The following PPFIA1 variants were observed in gnomAD, a reference collection of about 807,000 sequenced individuals.
PPFIA1 encodes the protein PPFI scaffold protein A1.
In PPFIA1, 25 loss-of-function variants were observed where a neutral mutation model predicts 149.9. That is an observed-to-expected ratio of 0.17 (90% CI 0.12 to 0.23). The LOEUF is 0.23. Ranked by LOEUF, PPFIA1 falls within the 10% of genes least tolerant of loss-of-function variation. The pLI is 1.00. For missense variants in PPFIA1, 1,362 were observed against 1,506.5 expected, an observed-to-expected ratio of 0.90 and a Z score of 1.59; for synonymous variants, 549 against 552.8, an observed-to-expected ratio of 0.99 and a Z score of 0.10.
At position 70,368,227 on chromosome 11, in the gene PPFIA1, C is replaced by T. The variant is rs186883547; in HGVS notation, c.2866-3988C>T. ...ATGCTGTTAGATAGCTGATAATTAC[C>T]CAAAAATGTTTGGCATATTTCTCTC... is the stretch of plus-strand genomic sequence containing the variant. On this transcript the variant is annotated intron_variant, in intron 21 of 27. Coordinates refer to ENST00000253925, the MANE Select transcript of PPFIA1 (RefSeq NM_003626.5). 6.7e-4 allele frequency among the ~76,000 whole-genome samples: 102 copies of T among 152,238 alleles called. 2 individuals carry two copies. In the South Asian group the frequency reaches 0.017, roughly 25 times the overall value.
In PPFIA1 at chr11:70,362,235, A is replaced by G. The variant is rs901572981; in HGVS notation, c.2665-53A>G. 8.1e-6 allele frequency: 13 copies of G among 1,612,896 alleles called. No individual in the cohort carries two copies. In the Admixed American group the frequency reaches 1.2e-4, roughly 14 times the overall value. ...TTACAGTATGTGAACTTACTGTTCT[A>G]CTTTGTAGACTGTACCTCACTGTGC... On this transcript the variant is annotated intron_variant, in intron 20 of 27. Transcript: ENST00000253925.
At chr11:70,345,914 T>A (rs896319215) in intron 15 of PPFIA1, 2 of 408,798 alleles carry the variant, frequency 4.9e-6, no homozygotes, top group African/African-American at 4.1e-5. Context: ...AGTGGCCTGG[T>A]ACAGAACACT....
chr11:70,334,507 T>C (rs941157407), intron 10 of PPFIA1: 1 of 152,226 alleles, frequency 6.6e-6, no homozygotes, highest in South Asian at 2.1e-4. Context: ...CAGTGAACTT[T>C]AAGCTGTGTT....
intron 21 of PPFIA1, among the ~76,000 whole-genome samples, chr11:70,368,704 T>C (rs1159992406): frequency 6.6e-6 from 1 of 152,264 alleles, no homozygotes; most frequent in East Asian, 1.9e-4. Flanking sequence ...TTTTTATAAA[T>C]TGGCCTTGCA....
intron 4 of PPFIA1, chr11:70,325,215 A>C (rs1368348872): frequency 2.0e-6 from 1 of 495,346 alleles, no homozygotes; most frequent in African/African-American, 2.0e-5. Flanking sequence ...TGCTGTTACA[A>C]ATTGGGTAGT....
At chr11:70,309,545 C>T (rs2053116794) in intron 2 of PPFIA1, among the ~76,000 whole-genome samples, 1 of 151,592 alleles carries the variant, frequency 6.6e-6, no homozygotes, top group Non-Finnish European at 1.5e-5. Flanking sequence ...TAACAACAAC[C>T]AAAGATAGTT....
chr11:70,374,664 A>AAT (rs1259898161), intron 23 of PPFIA1: 2 of 407,772 alleles, frequency 4.9e-6, no homozygotes, highest in Non-Finnish European at 8.6e-6. Flanking sequence ...CTCTAGAAAT[A>AAT]ATAACTTCAT....
At chr11:70,274,686 C>A (rs1361367987) in intron 2 of PPFIA1, among the ~76,000 whole-genome samples, 1 of 152,026 alleles carries the variant, frequency 6.6e-6, no homozygotes, top group Non-Finnish European at 1.5e-5. Flanking sequence ...CACGTGCTCC[C>A]CTAATATTGT....
intron 11 of PPFIA1, among the ~76,000 whole-genome samples, chr11:70,336,839 T>C (rs889569685): frequency 6.6e-6 from 1 of 152,146 alleles, no homozygotes; most frequent in Non-Finnish European, 1.5e-5. Flanking sequence ...AGATTGGTTG[T>C]TAGGATTGGG....
intron 14 of PPFIA1, among the ~76,000 whole-genome samples, chr11:70,340,162 T>C (rs2055235462): frequency 6.8e-6 from 1 of 146,734 alleles, no homozygotes; most frequent in African/African-American, 2.5e-5. Context: ...AAAAAATTAG[T>C]TGGGTGTGGT....
chr11:70,315,160 T>A (rs1022454159), intron 2 of PPFIA1, among the ~76,000 whole-genome samples: 2 of 152,208 alleles, frequency 1.3e-5, no homozygotes, highest in Non-Finnish European at 2.9e-5. Context: ...GTATCAGATA[T>A]ATTGGAACTT....
chr11:70,330,492 G>A (rs755154787), intron 8 of PPFIA1, among the ~76,000 whole-genome samples, 173 bp downstream of exon 8: 2 of 152,190 alleles, frequency 1.3e-5, no homozygotes, highest in South Asian at 2.1e-4. Context: ...TTTTGATTAC[G>A]TAGGATTTGA....
chr11:70,338,563 C>G (rs1459640327), intron 13 of PPFIA1, 110 bp downstream of exon 13: 2 of 818,900 alleles, frequency 2.4e-6, no homozygotes, highest in African/African-American at 3.4e-5. Flanking sequence ...CTCAAGGAGC[C>G]TGTAGCTTAG....
intron 1 of PPFIA1, among the ~76,000 whole-genome samples, 151 bp downstream of exon 1, chr11:70,271,065 CT>C (rs1197604269): frequency 6.6e-6 from 1 of 151,760 alleles, no homozygotes; most frequent in Non-Finnish European, 1.5e-5. Flanking sequence ...CCGGGTCGCG[CT>C]GGGAGAGCTC....
Position 70,348,261 on chromosome 11 carries a change from T to A in PPFIA1, c.2004T>A (p.Ser668Arg), listed in dbSNP as rs375771367. 1.2e-6 allele frequency: 2 copies of A among 1,614,150 alleles called. No individual in the cohort carries two copies. ...EEIESRVGSG[S>R]LDNLGRFRSM... ...TTGAAAGTCGAGTTGGCAGTGGAAG[T>A]CTAGACAATCTTGGTCGTTTTAGAT... Residue 668 changes from serine (S) to arginine (R), a missense_variant, in exon 16 of 28, where the codon AGT becomes AGA. Transcript: ENST00000253925.
At position 70,325,560 on chromosome 11, in the gene PPFIA1, G is replaced by C; in HGVS notation, c.592G>C (p.Ala198Pro). The change falls in exon 5 of 28, where the codon GCC becomes CCC. Residue 198 changes from alanine (A) to proline (P), a missense_variant. Around this residue, in one of 7 missense-constraint regions of PPFIA1, gnomAD observed 79 missense variants for 146.2 expected, o/e 0.54. Transcript: ENST00000253925. ...RCSLLEEELG[A>P]THKELMILKE... ...TAGTTTGTTAGAAGAGGAATTAGGTGCCACACACAAAGAGGTAAGCTTGAG... is the reference window on the plus strand; with the variant it reads ...TAGTTTGTTAGAAGAGGAATTAGGTCCCACACACAAAGAGGTAAGCTTGAG... 1 of 1,575,258 alleles carries C rather than the reference G, an allele frequency of 6.3e-7. No individual in the cohort carries two copies. The highest frequency in any genetic ancestry group is 8.7e-7 in the Non-Finnish European group (1 of 1,145,374).
chr11:70,345,878 C>A, intron 15 of PPFIA1: 1 of 302,202 alleles, frequency 3.3e-6, no homozygotes, highest in South Asian at 2.5e-5. Flanking sequence ...TACATCAGAG[C>A]CTCACATGTT....
intron 19 of PPFIA1, among the ~76,000 whole-genome samples, chr11:70,361,779 C>T (rs2135223174): frequency 6.9e-6 from 1 of 145,372 alleles, no homozygotes; most frequent in South Asian, 2.2e-4. Context: ...CCATACCTGG[C>T]TGATTTTTTT....
intron 15 of PPFIA1, among the ~76,000 whole-genome samples, chr11:70,345,213 C>T (rs2055615232): frequency 1.3e-5 from 2 of 148,530 alleles, no homozygotes; most frequent in Admixed American, 1.4e-4. Context: ...CACCCTCCAC[C>T]TCTTAAAGGG....
Sources: gnomAD v4.1 joint callset for allele counts (sites outside exome capture counted in the v4.1 genomes callset) on GRCh38, gnomAD v4.1.1 for gene constraint, gnomAD v4.1.1 regional missense constraint, MANE v1.5 for transcripts, NCBI Gene and HGNC (gene_info 2026-07-23, HGNC 2026-07-21) for gene names.